TRAF3IP3: variants seen among roughly 807,000 people sequenced by gnomAD.
TRAF3IP3 encodes the protein TRAF3 interacting protein 3.
Under a neutral mutation model 86.5 loss-of-function variants are expected in TRAF3IP3, and 64 were observed. The ratio of observed to expected loss-of-function variants is 0.74; its 90% CI spans 0.60 to 0.91. The LOEUF is 0.91. TRAF3IP3 is among the 40% of genes least tolerant of loss of function. The pLI, the probability that TRAF3IP3 is intolerant of heterozygous loss-of-function variation, is 0.00. For missense variants in TRAF3IP3, 579 were observed against 642.9 expected, an observed-to-expected ratio of 0.90 and a Z score of 1.07; for synonymous variants, 220 against 243.9, an observed-to-expected ratio of 0.90 and a Z score of 0.91.
intron 8 of TRAF3IP3, chr1:209,768,143 G>A: frequency 1.7e-5 from 17 of 985,390 alleles, no homozygotes; most frequent in Non-Finnish European, 2.0e-5. Context: ...GTGGTATCTG[G>A]GAAAAATAAT....
chr1:209,777,783 C>T, intron 12 of TRAF3IP3: 1 of 507,192 alleles, frequency 2.0e-6, no homozygotes, highest in Non-Finnish European at 3.5e-6. Flanking sequence ...GTCAAGGCCA[C>T]AGTCCTAATT....
Position 209,780,625 on chromosome 1 carries a change from A to G in TRAF3IP3, c.1449+19A>G. On this transcript the variant is annotated intron_variant, in intron 15 of 16. Transcript: ENST00000367025. The stretch of plus-strand genomic sequence containing the variant: ...AAAGGAGGTGAGAGGGTGACCTGAG[A>G]TAGTGAGGGCTCATTTGCGAAATAG... 1 of 1,542,772 alleles carries G rather than the reference A, an allele frequency of 6.5e-7. No individual in the cohort carries two copies. Among genetic ancestry groups the G allele is most frequent in the Admixed American group, 1.9e-5 (1 of 51,720 alleles).
At chr1:209,771,172 G>A (rs1157558112) in intron 8 of TRAF3IP3, among the ~76,000 whole-genome samples, 95 of 149,344 alleles carry the variant, frequency 6.4e-4, no homozygotes, top group Non-Finnish European at 1.1e-3. Context: ...TGCATGTGGA[G>A]GTGTGCGTGC....
intron 13 of TRAF3IP3, chr1:209,779,099 T>C: frequency 5.1e-6 from 3 of 586,820 alleles, no homozygotes; most frequent in Non-Finnish European, 9.0e-6. Flanking sequence ...TGACCCCATT[T>C]TAACTTGATT....
At chr1:209,777,844 C>T (rs1297169619) in intron 12 of TRAF3IP3, 5 of 539,254 alleles carry the variant, frequency 9.3e-6, no homozygotes, top group Non-Finnish European at 1.3e-5. Context: ...GTCTCTCAGT[C>T]ACATCCTCTG....
At chr1:209,767,988 C>T (rs1053083344) in intron 8 of TRAF3IP3, among the ~76,000 whole-genome samples, 1 of 152,120 alleles carries the variant, frequency 6.6e-6, no homozygotes, top group Non-Finnish European at 1.5e-5. Context: ...CCCTCCTCCC[C>T]ACCAACCCCC....
chr1:209,780,169 A>C (rs990367645), intron 14 of TRAF3IP3: 20 of 197,370 alleles, frequency 1.0e-4, no homozygotes, highest in African/African-American at 4.4e-4. Context: ...AGAATGTGAC[A>C]TACAACCAAT....
Position 209,756,261 on chromosome 1 carries a change from G to T in TRAF3IP3, c.-208G>T, listed in dbSNP as rs548098266. The stretch of plus-strand genomic sequence containing the variant: ...GAGACCAGAGCCAAGATCTGCCCAG[G>T]ACTGGAATGCTTTCCCGAGTGGCTT... On this transcript the variant is annotated 5_prime_UTR_variant, in exon 1 of 17. Coordinates refer to ENST00000367025, the MANE Select transcript of TRAF3IP3 (RefSeq NM_025228.4). The T allele has an allele frequency of 6.6e-6, 1 of 152,472 alleles. No homozygotes were observed. The highest frequency in any genetic ancestry group is 2.1e-4 in the South Asian group (1 of 4,824). 9.4% of individuals were successfully genotyped at this position (152,472 alleles called of 1,614,324 possible).
At position 209,765,274 on chromosome 1, in the gene TRAF3IP3, GAAGGAAGGAAGGAAGA is replaced by G. The variant is rs1358481162; in HGVS notation, c.702+1690_702+1705del. On this transcript the variant is annotated intron_variant, in intron 8 of 16. Coordinates refer to ENST00000367025, the MANE Select transcript of TRAF3IP3 (RefSeq NM_025228.4). ...GGAAGGAAGGAAGGAAGGAAGGAAG[GAAGGAAGGAAGGAAGA>G]AATTAAGATAGAAATTGAGAAAGAA... is the stretch of plus-strand genomic sequence containing the variant. Among the ~76,000 whole-genome samples the G allele has an allele frequency of 8.2e-3, 915 of 111,846 alleles. 29 individuals are homozygous for G. The highest frequency in any genetic ancestry group is 0.019 in the African/African-American group (711 of 36,776). 73.4% of individuals were successfully genotyped at this position (111,846 alleles called of 152,430 possible).
intron 8 of TRAF3IP3, among the ~76,000 whole-genome samples, chr1:209,765,250 G>C (rs1448169186): frequency 3.6e-5 from 5 of 138,074 alleles, no homozygotes; most frequent in Non-Finnish European, 1.6e-5. Flanking sequence ...AGGAAGGAAG[G>C]AAGGAAGGAA....
chr1:209,774,081 A>G (rs1365388093), intron 9 of TRAF3IP3, among the ~76,000 whole-genome samples: 3 of 152,218 alleles, frequency 2.0e-5, no homozygotes, highest in Non-Finnish European at 4.4e-5. Flanking sequence ...CATCTGGTCT[A>G]CTGCTTACAC....
At chr1:209,771,175 G>A (rs545483102) in intron 8 of TRAF3IP3, among the ~76,000 whole-genome samples, 1 of 149,884 alleles carries the variant, frequency 6.7e-6, no homozygotes, top group South Asian at 2.1e-4. Context: ...ATGTGGAGGT[G>A]TGCGTGCGCA....
Position 209,760,330 on chromosome 1 carries a change from T to C in TRAF3IP3, c.291T>C (p.Thr97=). 1 of 1,613,596 alleles carries C rather than the reference T, an allele frequency of 6.2e-7. No individual in the cohort carries two copies. Among genetic ancestry groups the C allele is most frequent in the South Asian group, 1.1e-5 (1 of 90,976 alleles). Residue 97 remains threonine, a synonymous_variant, in exon 3 of 17, where the codon ACT becomes ACC. Coordinates refer to ENST00000367025, the MANE Select transcript of TRAF3IP3 (RefSeq NM_025228.4). Reference sequence around the variant, plus strand: ...CCTCCAGGCGGCCAGGACAGGTGACTGTCCTCAAGGAACCCTTGTCTTGTG... The same window carrying C: ...CCTCCAGGCGGCCAGGACAGGTGACCGTCCTCAAGGAACCCTTGTCTTGTG... ...QGPSRRPGQV[T]VLKEPLSCAR...
chr1:209,763,475 T>C lies in TRAF3IP3; in HGVS notation c.607-17T>C. 6.2e-7 allele frequency: 1 copy of C among 1,613,912 alleles called. No individual in the cohort carries two copies. Among genetic ancestry groups the C allele is most frequent in the South Asian group, 1.1e-5 (1 of 91,072 alleles). The stretch of plus-strand genomic sequence containing the variant: ...AGGTTAATCTTACCCTCTTGCACTT[T>C]GTGCCCGCACCCCCAGGAGGCCCTA... On this transcript the variant is annotated splice_polypyrimidine_tract_variant and intron_variant, in intron 7 of 16. Coordinates refer to ENST00000367025, the MANE Select transcript of TRAF3IP3 (RefSeq NM_025228.4).
chr1:209,768,997 C>T (rs2077411111), intron 8 of TRAF3IP3, among the ~76,000 whole-genome samples: 1 of 151,936 alleles, frequency 6.6e-6, no homozygotes, highest in African/African-American at 2.4e-5. Context: ...CGTTGCAACA[C>T]GAATGGAAAA....
intron 8 of TRAF3IP3, among the ~76,000 whole-genome samples, chr1:209,771,049 CGTGTGCATGTGGAGGTGT>C (rs1187408621): frequency 2.7e-4 from 13 of 48,584 alleles, no homozygotes; most frequent in Admixed American, 1.2e-3. Context: ...TGGAAGTGTG[CGTGTGCATGTGGAGGTGT>C]GTGTGCAGGT....
chr1:209,775,800 A>C, intron 11 of TRAF3IP3, 64 bp downstream of exon 11: 1 of 1,510,564 alleles, frequency 6.6e-7, no homozygotes, highest in South Asian at 1.3e-5. Context: ...TGATGAAAGA[A>C]GCTGTTCTGG....
At chr1:209,773,670 G>C (rs368788581) in intron 9 of TRAF3IP3, among the ~76,000 whole-genome samples, 12 of 152,376 alleles carry the variant, frequency 7.9e-5, no homozygotes, top group African/African-American at 2.4e-4. Flanking sequence ...TGGAGTTAGA[G>C]AGAGAAGACA....
chr1:209,775,358 C>A lies in TRAF3IP3; in HGVS notation c.784C>A (p.Pro262Thr). 1 of 1,612,026 alleles carries A rather than the reference C, an allele frequency of 6.2e-7. No individual in the cohort carries two copies. Among genetic ancestry groups the A allele is most frequent in the Non-Finnish European group, 8.5e-7 (1 of 1,178,952 alleles). Reference protein sequence around the residue: ...QLYTCTQKYSPWGMKKVLLEM... With the variant: ...QLYTCTQKYSTWGMKKVLLEM... ...TGCATCAAATTTACAGAAATACTCC[C>A]CTTGGGGAATGAAAAAAGTACTACT... The change falls in exon 10 of 17, where the codon CCT becomes ACT. Residue 262 changes from proline to threonine, a missense_variant. By Grantham distance (38) the Pro-to-Thr change is conservative. Coordinates refer to ENST00000367025, the MANE Select transcript of TRAF3IP3 (RefSeq NM_025228.4).
Sources: gnomAD v4.1 joint callset for allele counts (sites outside exome capture counted in the v4.1 genomes callset) on GRCh38, gnomAD v4.1.1 for gene constraint, MANE v1.5 for transcripts, NCBI Gene and HGNC (gene_info 2026-07-23, HGNC 2026-07-21) for gene names.